Variants in BCAS3 observed in about 807,000 individuals in gnomAD.
BCAS3 encodes the protein BCAS4/BCAS3 fusion.
Under a neutral mutation model 116.1 loss-of-function variants are expected in BCAS3, and 53 were observed. The ratio of observed to expected loss-of-function variants is 0.46; its 90% CI spans 0.37 to 0.57. The LOEUF (loss-of-function observed/expected upper bound fraction) is 0.57, where lower values mean the gene tolerates loss of function less well. Ranked by LOEUF, BCAS3 falls within the 20% of genes least tolerant of loss-of-function variation. The probability of loss-of-function intolerance (pLI) is 0.00; values close to 1 mark genes in which losing one functional copy is unlikely to be tolerated. For missense variants in BCAS3, 917 were observed against 1,165.4 expected, an observed-to-expected ratio of 0.79 and a Z score of 3.10; for synonymous variants, 391 against 408.2, an observed-to-expected ratio of 0.96 and a Z score of 0.51.
In BCAS3 at chr17:61,083,924, G is replaced by A. The variant is rs1337862946; in HGVS notation, c.2328-543G>A. The stretch of plus-strand genomic sequence containing the variant: ...TAATTTTATAAAGGTAGCTCAGTTA[G>A]TAGTGACCCACCCCGGCCACAGTAC... On this transcript the variant is annotated intron_variant, in intron 21 of 23. Transcript: ENST00000407086. The surrounding 1 kb of genome is among the most constrained non-coding windows in gnomAD (Gnocchi z 4.9). Among the ~76,000 whole-genome samples the A allele has an allele frequency of 6.6e-6, 1 of 152,154 alleles. No homozygotes were observed. The highest frequency in any genetic ancestry group is 2.4e-5 in the African/African-American group (1 of 41,440).
Position 61,346,756 on chromosome 17 carries a change from T to A in BCAS3, c.2426-21571T>A, listed in dbSNP as rs1424307694. ...TCAGTGCCAAGTGTAGGAGAAGGCA[T>A]GAAGGCAAGCCACTTCACCACAGTC... On this transcript the variant is annotated intron_variant, in intron 22 of 23. Coordinates refer to ENST00000407086, the MANE Select transcript of BCAS3 (RefSeq NM_017679.5). The surrounding 1 kb of genome is among the most constrained non-coding windows in gnomAD (Gnocchi z 5.4). 6.6e-6 allele frequency among the ~76,000 whole-genome samples: 1 copy of A among 152,184 alleles called. No individual in the cohort carries two copies. Among genetic ancestry groups the A allele is most frequent in the East Asian group, 1.9e-4 (1 of 5,186 alleles).
rs1287109029 is a variant in BCAS3 at position 61,105,997 on chromosome 17, C to T, written c.2425+21433C>T. Among the ~76,000 whole-genome samples the T allele has an allele frequency of 6.6e-6, 1 of 152,166 alleles. No individual in the cohort carries two copies. The highest frequency in any genetic ancestry group is 1.5e-5 in the Non-Finnish European group (1 of 68,032). Reference sequence around the variant, plus strand: ...GAATCATCCCTTTGTCTGGCATCTCCAGGCTGTCTATGCTACCTATCCTTT... The same window carrying T: ...GAATCATCCCTTTGTCTGGCATCTCTAGGCTGTCTATGCTACCTATCCTTT... On this transcript the variant is annotated intron_variant, in intron 22 of 23. Coordinates refer to ENST00000407086, the MANE Select transcript of BCAS3 (RefSeq NM_017679.5). The surrounding 1 kb of genome is among the most constrained non-coding windows in gnomAD (Gnocchi z 4.3).
In BCAS3 at chr17:61,391,736, C is replaced by A; in HGVS notation, c.2594-241C>A. 2 of 536,614 alleles carry A rather than the reference C, an allele frequency of 3.7e-6. No homozygotes were observed. 33.2% of individuals were successfully genotyped at this position (536,614 alleles called of 1,614,324 possible). On this transcript the variant is annotated intron_variant, in intron 23 of 23. Transcript: ENST00000407086. This position sits in a 1 kb window ranked among gnomAD's most constrained non-coding sequence, Gnocchi z 7.7. ...TGCTTCGGGCCTAAAGGGCTTCCCG[C>A]AGCAGGGAGACGGTGCTCTCACACC... is the stretch of plus-strand genomic sequence containing the variant.
At chr17:60,810,321 C>G (rs1204527307) in intron 7 of BCAS3, 1 of 449,522 alleles carries the variant, frequency 2.2e-6, no homozygotes, top group African/African-American at 2.0e-5. Flanking sequence ...CCCACTCCAC[C>G]AACTTCTGGG....
intron 6 of BCAS3, 36 bp downstream of exon 6, chr17:60,747,315 A>C (rs774769672): frequency 5.2e-6 from 8 of 1,533,428 alleles, no homozygotes; most frequent in Middle Eastern, 1.7e-4. Context: ...TCTTTCAGAA[A>C]AGAGTTTCTC....
At chr17:61,157,104 T>C (rs1350182736) in intron 22 of BCAS3, among the ~76,000 whole-genome samples, 1 of 152,212 alleles carries the variant, frequency 6.6e-6, no homozygotes, top group Non-Finnish European at 1.5e-5. Context: ...TTAACTTTTC[T>C]TTCCTGTTTC....
intron 22 of BCAS3, among the ~76,000 whole-genome samples, chr17:61,280,401 C>T (rs1480042434): frequency 6.6e-6 from 1 of 152,190 alleles, no homozygotes; most frequent in African/African-American, 2.4e-5. Context: ...TATTGGTTAT[C>T]ACTGAGTCCA....
intron 13 of BCAS3, among the ~76,000 whole-genome samples, chr17:60,935,814 A>G (rs1319496846): frequency 2.6e-5 from 4 of 151,736 alleles, no homozygotes; most frequent in African/African-American, 9.7e-5. Flanking sequence ...GTACTATGAT[A>G]CATGGTTCTT....
chr17:60,753,566 C>T (rs1598463993), intron 6 of BCAS3, among the ~76,000 whole-genome samples: 1 of 150,252 alleles, frequency 6.7e-6, no homozygotes, highest in African/African-American at 2.4e-5. Flanking sequence ...CCTGCCACCA[C>T]GCCCATCTAA....
chr17:60,971,559 A>G (rs1331818681), intron 14 of BCAS3, among the ~76,000 whole-genome samples: 1 of 152,164 alleles, frequency 6.6e-6, no homozygotes, highest in Non-Finnish European at 1.5e-5. Context: ...TTGGGGTTAT[A>G]CAGCTATCAA....
chr17:60,901,238 GTGT>G lies in BCAS3; in HGVS notation c.739-1362_739-1360del, dbSNP rs909570947. 1.5e-4 allele frequency among the ~76,000 whole-genome samples: 22 copies of G among 151,574 alleles called. 1 individual carries two copies. The highest frequency in any genetic ancestry group is 3.9e-4 in the Admixed American group (6 of 15,190). ...AAAAAAAAAAAAAAGAAAGGTAAGA[GTGT>G]TGTTGTTGTTGTTGTTGTTTTTTAC... On this transcript the variant is annotated intron_variant, in intron 10 of 23. Transcript: ENST00000407086.
chr17:61,132,214 A>C lies in BCAS3; in HGVS notation c.2425+47650A>C, dbSNP rs547381962. Reference sequence around the variant, plus strand: ...CCTATAATTACCTTCCCTTCTTCTTATTTTTACAAGACAGAATGCCAGCAG... The same window carrying C: ...CCTATAATTACCTTCCCTTCTTCTTCTTTTTACAAGACAGAATGCCAGCAG... On this transcript the variant is annotated intron_variant, in intron 22 of 23. Coordinates refer to ENST00000407086, the MANE Select transcript of BCAS3 (RefSeq NM_017679.5). The surrounding 1 kb of genome is among the most constrained non-coding windows in gnomAD (Gnocchi z 5.1). Among the ~76,000 whole-genome samples the C allele has an allele frequency of 6.2e-4, 95 of 152,192 alleles. No individual in the cohort carries two copies. Among genetic ancestry groups the C allele is most frequent in the Non-Finnish European group, 1.2e-3 (79 of 67,998 alleles).
chr17:60,765,965 A>G (rs1391647487), intron 6 of BCAS3, among the ~76,000 whole-genome samples: 1 of 152,090 alleles, frequency 6.6e-6, no homozygotes, highest in Non-Finnish European at 1.5e-5. Flanking sequence ...CCTTTCTTCC[A>G]TTAGATCGAA....
intron 14 of BCAS3, among the ~76,000 whole-genome samples, chr17:60,980,875 C>T (rs2062768109): frequency 6.6e-6 from 1 of 152,086 alleles, no homozygotes; most frequent in African/African-American, 2.4e-5. Context: ...CAGGTTTTCA[C>T]ACTGCTGGCA....
At chr17:61,234,469 C>A (rs903487511) in intron 22 of BCAS3, among the ~76,000 whole-genome samples, 2 of 152,146 alleles carry the variant, frequency 1.3e-5, no homozygotes, top group African/African-American at 4.8e-5. Flanking sequence ...AAATTCTGAG[C>A]CTTCTAGGAA....
Position 61,105,046 on chromosome 17 carries a change from C to T in BCAS3, c.2425+20482C>T, listed in dbSNP as rs1175636787. On this transcript the variant is annotated intron_variant, in intron 22 of 23. Transcript: ENST00000407086. The surrounding 1 kb of genome is among the most constrained non-coding windows in gnomAD (Gnocchi z 4.3). Reference sequence around the variant, plus strand: ...GTGGGTTTCCTCACTGCTGTTGGCTCAGCTGTGGCTTTTTATGGAACCATA... The same window carrying T: ...GTGGGTTTCCTCACTGCTGTTGGCTTAGCTGTGGCTTTTTATGGAACCATA... Among the ~76,000 whole-genome samples the T allele has an allele frequency of 6.6e-6, 1 of 152,190 alleles. No homozygotes were observed. Among genetic ancestry groups the T allele is most frequent in the Non-Finnish European group, 1.5e-5 (1 of 68,042 alleles).
At position 61,264,307 on chromosome 17, in the gene BCAS3, T is replaced by C. The variant is rs2049481498; in HGVS notation, c.2426-104020T>C. Among the ~76,000 whole-genome samples the C allele has an allele frequency of 2.0e-5, 3 of 152,094 alleles. No homozygotes were observed. In the South Asian group the frequency reaches 6.2e-4, roughly 31 times the overall value. On this transcript the variant is annotated intron_variant, in intron 22 of 23. Transcript: ENST00000407086. The stretch of plus-strand genomic sequence containing the variant: ...AAGAAGACTCATTCAATAATGTTTA[T>C]TTCAAATGAACAAAAAAGCAGCTGA...
rs1241746458 is a variant in BCAS3 at position 61,347,189 on chromosome 17, C to T, written c.2426-21138C>T. On this transcript the variant is annotated intron_variant, in intron 22 of 23. Coordinates refer to ENST00000407086, the MANE Select transcript of BCAS3 (RefSeq NM_017679.5). This position sits in a 1 kb window ranked among gnomAD's most constrained non-coding sequence, Gnocchi z 4.3. ...TCCAGGGTTCAAGCGATTCTCCTGC[C>T]TCCCGCCTCAGCCTCCCGAGTAGCT... is the stretch of plus-strand genomic sequence containing the variant. Among the ~76,000 whole-genome samples the T allele has an allele frequency of 6.6e-6, 1 of 152,202 alleles. No homozygotes were observed. Among genetic ancestry groups the T allele is most frequent in the East Asian group, 1.9e-4 (1 of 5,194 alleles).
At chr17:60,706,620 C>T (rs2037174260) in intron 4 of BCAS3, among the ~76,000 whole-genome samples, 1 of 151,874 alleles carries the variant, frequency 6.6e-6, no homozygotes, top group African/African-American at 2.4e-5. Context: ...AGGCCAGGCA[C>T]TCAAGACCAG....
Sources: allele counts gnomAD v4.1 joint callset (sites outside exome capture counted in the v4.1 genomes callset), GRCh38; gene constraint gnomAD v4.1.1; non-coding constraint Gnocchi (gnomAD v3.1); transcripts MANE v1.5; gene names NCBI Gene and HGNC (gene_info 2026-07-23, HGNC 2026-07-21).